The following BCAS3 variants were observed in gnomAD, a reference collection of about 807,000 sequenced individuals.
BCAS3 encodes BCAS4/BCAS3 fusion.
In BCAS3, 53 loss-of-function variants were observed where a neutral mutation model predicts 116.1. The observed-to-expected ratio is 0.46, with a 90% CI of 0.37 to 0.57. The LOEUF is 0.57. Ranked by LOEUF, BCAS3 falls within the 20% of genes least tolerant of loss-of-function variation. BCAS3 has a pLI of 0.00. For missense variants in BCAS3, 917 were observed against 1,165.4 expected, an observed-to-expected ratio of 0.79 and a Z score of 3.10; for synonymous variants, 391 against 408.2, an observed-to-expected ratio of 0.96 and a Z score of 0.51.
chr17:61,142,821 A>AT (rs2143946857), intron 22 of BCAS3, among the ~76,000 whole-genome samples: 1 of 152,234 alleles, frequency 6.6e-6, no homozygotes, highest in African/African-American at 2.4e-5. Context: ...CATGGGTTTT[A>AT]TTATGTTTTT....
At position 60,961,438 on chromosome 17, in the gene BCAS3, A is replaced by G. The variant is rs1232231357; in HGVS notation, c.1221+14086A>G. 1.3e-5 allele frequency among the ~76,000 whole-genome samples: 2 copies of G among 152,142 alleles called. No individual in the cohort carries two copies. The highest frequency in any genetic ancestry group is 6.5e-5 in the Admixed American group (1 of 15,274). On this transcript the variant is annotated intron_variant, in intron 14 of 23. Coordinates refer to ENST00000407086, the MANE Select transcript of BCAS3 (RefSeq NM_017679.5). The surrounding 1 kb of genome is among the most constrained non-coding windows in gnomAD (Gnocchi z 4.8). Reference sequence around the variant, plus strand: ...TGCTGCTTCAATCTATAGGATCACAATAGTCACATTAGCAGAATGAACCTC... The same window carrying G: ...TGCTGCTTCAATCTATAGGATCACAGTAGTCACATTAGCAGAATGAACCTC...
Position 61,199,852 on chromosome 17 carries a change from G to A in BCAS3, c.2425+115288G>A, listed in dbSNP as rs1034099300. ...AAAACTACCTGAAAATGTCTTTCTA[G>A]ACATCCACCTTACTGCAGGGCCCTA... On this transcript the variant is annotated intron_variant, in intron 22 of 23. Coordinates refer to ENST00000407086, the MANE Select transcript of BCAS3 (RefSeq NM_017679.5). The surrounding 1 kb of genome is among the most constrained non-coding windows in gnomAD (Gnocchi z 4.6). Among the ~76,000 whole-genome samples the A allele has an allele frequency of 2.6e-5, 4 of 152,132 alleles. No individual in the cohort carries two copies. Among genetic ancestry groups the A allele is most frequent in the Non-Finnish European group, 5.9e-5 (4 of 68,020 alleles).
rs58423435 is a variant in BCAS3, at chr17:61,230,142, T to TACACACAC, written c.2426-138159_2426-138152dup. Among the ~76,000 whole-genome samples the TACACACAC allele has an allele frequency of 7.4e-3, 1,111 of 150,044 alleles. 15 individuals are homozygous for TACACACAC. The highest frequency in any genetic ancestry group is 0.026 in the African/African-American group (1,060 of 40,742). On this transcript the variant is annotated intron_variant, in intron 22 of 23. Coordinates refer to ENST00000407086, the MANE Select transcript of BCAS3 (RefSeq NM_017679.5). The stretch of plus-strand genomic sequence containing the variant: ...TCTGTCTCAAAAAAAAGTGTGTGTA[T>TACACACAC]ACACACACACACACACACACACACA...
rs370424070 is a variant in BCAS3 at position 60,875,261 on chromosome 17, TTTTG to T, written c.661+531_661+534del. 2.0e-3 allele frequency among the ~76,000 whole-genome samples: 304 copies of T among 152,280 alleles called. 1 individual carries two copies. The highest frequency in any genetic ancestry group is 6.8e-3 in the African/African-American group (284 of 41,576). On this transcript the variant is annotated intron_variant, in intron 9 of 23. Coordinates refer to ENST00000407086, the MANE Select transcript of BCAS3 (RefSeq NM_017679.5). ...CTGTAAGCACAATTTCCTTTAAAAC[TTTTG>T]TTTGTTTTTGTAAATTGATAATATT...
At chr17:61,006,933 C>T (rs1228351930) in intron 15 of BCAS3, among the ~76,000 whole-genome samples, 2 of 152,038 alleles carry the variant, frequency 1.3e-5, no homozygotes, top group East Asian at 1.9e-4. Context: ...AATCCTAATA[C>T]GTAAAATGAA....
intron 16 of BCAS3, chr17:61,027,485 G>A (rs2066337204): frequency 2.5e-6 from 1 of 395,870 alleles, no homozygotes; most frequent in South Asian, 2.0e-5. Flanking sequence ...ACTCATCATA[G>A]CTTAATTATT....
chr17:61,388,571 T>C lies in BCAS3; in HGVS notation c.2594-3406T>C. The C allele has an allele frequency of 6.6e-7, 1 of 1,507,174 alleles. No homozygotes were observed. Among genetic ancestry groups the C allele is most frequent in the South Asian group, 1.2e-5 (1 of 82,342 alleles). The allele number at this position is 1,507,174 out of a possible 1,614,324, so 93.4% of individuals were successfully genotyped here. A position where few individuals can be genotyped will look rare whatever the true frequency, so the allele number is the denominator to read the frequency against. ...AGATCAGTGTACTTCTCAATCGTTG[T>C]CCATATCTTTTCCAAAAAGATTCCT... is the stretch of plus-strand genomic sequence containing the variant. On this transcript the variant is annotated intron_variant, in intron 23 of 23. Coordinates refer to ENST00000407086, the MANE Select transcript of BCAS3 (RefSeq NM_017679.5). This position sits in a 1 kb window ranked among gnomAD's most constrained non-coding sequence, Gnocchi z 6.5.
intron 7 of BCAS3, among the ~76,000 whole-genome samples, chr17:60,844,674 T>A (rs1336507768): frequency 1.3e-5 from 2 of 152,202 alleles, no homozygotes; most frequent in Non-Finnish European, 2.9e-5. Context: ...ACTACTGGCT[T>A]ATCATGGGAT....
intron 23 of BCAS3, among the ~76,000 whole-genome samples, chr17:61,372,304 T>A (rs1009461114): frequency 6.6e-6 from 1 of 152,232 alleles, no homozygotes; most frequent in African/African-American, 2.4e-5. Flanking sequence ...ACTCAGCCTC[T>A]GGCTACTTCT....
intron 6 of BCAS3, among the ~76,000 whole-genome samples, chr17:60,785,492 A>G (rs556980685): frequency 1.3e-4 from 20 of 152,312 alleles, no homozygotes; most frequent in Non-Finnish European, 2.6e-4. Context: ...GTTTCATATG[A>G]ACAGAAGTAC....
At chr17:60,831,030 C>T (rs2050872049) in intron 7 of BCAS3, among the ~76,000 whole-genome samples, 1 of 152,178 alleles carries the variant, frequency 6.6e-6, no homozygotes, top group Non-Finnish European at 1.5e-5. Context: ...TCCCACCAGA[C>T]TCGGCTAGAC....
chr17:60,793,560 C>A (rs1028668048), intron 6 of BCAS3, among the ~76,000 whole-genome samples: 2 of 152,112 alleles, frequency 1.3e-5, no homozygotes, highest in African/African-American at 4.8e-5. Flanking sequence ...CCCCATCTCA[C>A]TTTCCCCCCA....
chr17:60,920,163 G>A (rs1033588980), intron 12 of BCAS3, among the ~76,000 whole-genome samples: 1 of 152,078 alleles, frequency 6.6e-6, no homozygotes, highest in Admixed American at 6.6e-5. Flanking sequence ...GAAAACCTAG[G>A]AAATACCCTT....
intron 22 of BCAS3, among the ~76,000 whole-genome samples, chr17:61,305,976 CAA>C (rs1228444609): frequency 6.6e-6 from 1 of 152,316 alleles, no homozygotes; most frequent in African/African-American, 2.4e-5. Flanking sequence ...GCAGTAGAAA[CAA>C]GAGATAATCC....
At chr17:60,835,977 A>T (rs577333406) in intron 7 of BCAS3, among the ~76,000 whole-genome samples, 5 of 152,270 alleles carry the variant, frequency 3.3e-5, no homozygotes, top group Non-Finnish European at 7.4e-5. Flanking sequence ...AATGAATTTT[A>T]AAAAATGGAT....
rs564133470 is a variant in BCAS3 at position 60,697,840 on chromosome 17, G to C, written c.214+8079G>C. 2.0e-5 allele frequency among the ~76,000 whole-genome samples: 3 copies of C among 152,136 alleles called. No homozygotes were observed. The South Asian group carries it at 6.2e-4, about 32-fold the overall frequency. On this transcript the variant is annotated intron_variant, in intron 4 of 23. Transcript: ENST00000407086. ...GAATGCTAGATGTCTCTATAGGAAA[G>C]ACCGTAAAGTTCAGATTTAGAGGTA...
At chr17:60,886,672 C>T (rs1229505722) in intron 9 of BCAS3, among the ~76,000 whole-genome samples, 1 of 151,822 alleles carries the variant, frequency 6.6e-6, no homozygotes, top group Admixed American at 6.6e-5. Flanking sequence ...CAGACAGGAC[C>T]CTCAGCTGCA....
At chr17:60,813,311 A>AAGT (rs1555730690) in intron 7 of BCAS3, among the ~76,000 whole-genome samples, 1 of 151,298 alleles carries the variant, frequency 6.6e-6, no homozygotes, top group African/African-American at 2.4e-5. Context: ...AAAAAAAAAA[A>AAGT]AGGAGGTTAT....
intron 5 of BCAS3, 48 bp downstream of exon 5, chr17:60,709,373 TAGC>T: frequency 3.4e-6 from 4 of 1,162,888 alleles, no homozygotes; most frequent in Non-Finnish European, 5.1e-6. Context: ...CCCAGCATGT[TAGC>T]TTATGTGAAA....
Sources: gnomAD v4.1 joint callset for allele counts (sites outside exome capture counted in the v4.1 genomes callset) on GRCh38, gnomAD v4.1.1 for gene constraint, Gnocchi (gnomAD v3.1) non-coding constraint, MANE v1.5 for transcripts, NCBI Gene and HGNC (gene_info 2026-07-23, HGNC 2026-07-21) for gene names.